Variants in SULF2 observed in about 807,000 individuals in gnomAD.
The protein encoded by SULF2 is extracellular sulfatase Sulf-2.
A neutral mutation model predicts 107.7 loss-of-function variants in SULF2; 52 were observed. The observed-to-expected ratio is 0.48, with a 90% CI of 0.39 to 0.61. The LOEUF (loss-of-function observed/expected upper bound fraction) is 0.61. SULF2 is among the 20% of genes least tolerant of loss of function. The probability of loss-of-function intolerance (pLI) is 0.00; values close to 1 mark genes in which losing one functional copy is unlikely to be tolerated. For missense variants in SULF2, 993 were observed against 1,177.3 expected (o/e 0.84, Z 2.29); for synonymous variants, 460 against 464.3 (o/e 0.99, Z 0.12).
At chr20:47,697,424 G>A (rs2088417846) in intron 4 of SULF2, among the ~76,000 whole-genome samples, 1 of 152,206 alleles carries the variant, frequency 6.6e-6, no homozygotes, top group Non-Finnish European at 1.5e-5. Context: ...CCCGAGGCCA[G>A]CAGTGACATT....
intron 15 of SULF2, among the ~76,000 whole-genome samples, chr20:47,663,892 C>T (rs2087173315): frequency 6.6e-6 from 1 of 152,202 alleles, no homozygotes; most frequent in Non-Finnish European, 1.5e-5. Context: ...ACCCCTTTCC[C>T]CTCCTTCCTG....
chr20:47,665,326 C>T (rs376438391), intron 13 of SULF2, 33 bp from the exon 14 acceptor site: 32 of 1,378,464 alleles, frequency 2.3e-5, no homozygotes, highest in Middle Eastern at 3.8e-4. Context: ...GGCCTTGAAA[C>T]CTTCAAGGCT....
At chr20:47,676,768 C>G in intron 9 of SULF2, 145 bp from the exon 10 acceptor site, 1 of 976,368 alleles carries the variant, frequency 1.0e-6, no homozygotes, top group Non-Finnish European at 1.5e-6. Flanking sequence ...CCCGGGTCTT[C>G]TGATGTTTAG....
intron 1 of SULF2, among the ~76,000 whole-genome samples, chr20:47,774,420 C>T (rs73317829): frequency 0.03 from 4,622 of 152,226 alleles, 250 homozygotes; most frequent in African/African-American, 0.11. Context: ...CCCTCATTAC[C>T]GCGCATGCTC....
chr20:47,716,294 C>T (rs1469756533), intron 3 of SULF2, among the ~76,000 whole-genome samples: 2 of 152,276 alleles, frequency 1.3e-5, no homozygotes, highest in East Asian at 3.9e-4. Flanking sequence ...CTTATGTGGT[C>T]AGGAGTTCAG....
chr20:47,663,505 G>T lies in SULF2; in HGVS notation c.2175C>A (p.Leu725=). Residue 725 remains leucine (L), a synonymous_variant, in exon 16 of 21, where the codon CTC becomes CTA. Coordinates refer to ENST00000688720, the MANE Select transcript of SULF2 (RefSeq NM_001387048.1). Reference sequence around the variant, plus strand: ...GCTGGTTGTCGTGGGTGAAGCACGTGAGGCCTGGCATGCTGCACGTGTCGT... The same window carrying T: ...GCTGGTTGTCGTGGGTGAAGCACGTTAGGCCTGGCATGCTGCACGTGTCGT... ...QNNDTCSMPG[L]TCFTHDNQHW... The T allele has an allele frequency of 6.2e-7, 1 of 1,612,282 alleles. No homozygotes were observed.
chr20:47,663,364 C>CT, intron 16 of SULF2, 89 bp downstream of exon 16: 1 of 1,583,904 alleles, frequency 6.3e-7, no homozygotes, highest in Non-Finnish European at 8.6e-7. Flanking sequence ...TGGGGACCCC[C>CT]TTTCTGAGAG....
At chr20:47,734,972 T>G (rs1707285882) in intron 3 of SULF2, among the ~76,000 whole-genome samples, 1 of 152,226 alleles carries the variant, frequency 6.6e-6, no homozygotes, top group Admixed American at 6.5e-5. Flanking sequence ...CCTGTAAGAT[T>G]TTGAAACACT....
intron 1 of SULF2, among the ~76,000 whole-genome samples, chr20:47,781,784 GC>G (rs1292263536): frequency 1.3e-5 from 2 of 152,248 alleles, no homozygotes; most frequent in Admixed American, 1.3e-4. Flanking sequence ...TAAGTAGCAT[GC>G]CCCAGATCCC....
intron 3 of SULF2, among the ~76,000 whole-genome samples, chr20:47,718,778 G>T (rs1484697597): frequency 6.6e-6 from 1 of 152,160 alleles, no homozygotes; most frequent in African/African-American, 2.4e-5. Context: ...AGTTGGGGAT[G>T]GGGGTTGATA....
intron 7 of SULF2, among the ~76,000 whole-genome samples, chr20:47,681,478 T>C (rs1254227094): frequency 6.6e-6 from 1 of 152,092 alleles, no homozygotes; most frequent in Non-Finnish European, 1.5e-5. Flanking sequence ...GAGCCCTCAG[T>C]GGGTCAGATT....
chr20:47,729,741 G>C (rs1050059013), intron 3 of SULF2, among the ~76,000 whole-genome samples: 3 of 152,198 alleles, frequency 2.0e-5, no homozygotes, highest in African/African-American at 7.2e-5. Context: ...GAGCTCTGGG[G>C]CGATGGCCAG....
chr20:47,724,055 A>AGGAACAAAGAGGCTAG (rs2089370016), intron 3 of SULF2, among the ~76,000 whole-genome samples: 1 of 152,206 alleles, frequency 6.6e-6, no homozygotes, highest in African/African-American at 2.4e-5. Context: ...AGGCAGCCTG[A>AGGAACAAAGAGGCTAG]GTGCTGTCAC....
intron 1 of SULF2, among the ~76,000 whole-genome samples, chr20:47,759,884 A>G (rs1276839085): frequency 6.6e-6 from 1 of 152,184 alleles, no homozygotes; most frequent in African/African-American, 2.4e-5. Flanking sequence ...GCAATTTCTT[A>G]TTTATTGTCC....
In SULF2 at chr20:47,683,041, G is replaced by A; in HGVS notation, c.1017C>T (p.Ile339=). The change falls in exon 7 of 21, where the codon ATC becomes ATT. Residue 339 remains isoleucine, a synonymous_variant. Transcript: ENST00000688720. Reference sequence around the variant, plus strand: ...GGCCCCTCACGTAGAACGGGACCCTGATGTCAAACTCATATGGCATGGATT... The same window carrying A: ...GGCCCCTCACGTAGAACGGGACCCTAATGTCAAACTCATATGGCATGGATT... ...KGKSMPYEFD[I]RVPFYVRGPN... The A allele has an allele frequency of 6.2e-7, 1 of 1,613,438 alleles. No homozygotes were observed. Among genetic ancestry groups the A allele is most frequent in the Non-Finnish European group, 8.5e-7 (1 of 1,179,772 alleles).
At chr20:47,660,064 G>A (rs2087016477) in intron 18 of SULF2, among the ~76,000 whole-genome samples, 1 of 152,220 alleles carries the variant, frequency 6.6e-6, no homozygotes, top group Non-Finnish European at 1.5e-5. Flanking sequence ...AAAGCCAAGA[G>A]CCCTGACCAA....
rs1224714383 is a variant in SULF2 at position 47,663,206 on chromosome 20, G to A, written c.2234C>T (p.Pro745Leu). ...GTTGGCGCTGGTGCAGGCACAGAAA[G>A]GCCCCACTGCCAAGGAAGAGAGAGC... Reference protein sequence around the residue: ...WQTAPFWTLGPFCACTSANNN... With the variant: ...WQTAPFWTLGLFCACTSANNN... Residue 745 changes from proline to leucine, a missense_variant, in exon 17 of 21, where the codon CCT becomes CTT. Physicochemically the swap from Pro to Leu is moderately conservative, Grantham distance 98. Around this residue, in one of 3 missense-constraint regions of SULF2, gnomAD observed 497 missense variants for 544.1 expected, o/e 0.91. Transcript: ENST00000688720. The A allele has an allele frequency of 6.2e-6, 10 of 1,613,992 alleles. No homozygotes were observed. The African/African-American group carries it at 6.7e-5, about 11-fold the overall frequency.
intron 7 of SULF2, 105 bp downstream of exon 7, chr20:47,682,889 G>A (rs1219810814): frequency 1.9e-5 from 23 of 1,213,954 alleles, no homozygotes; most frequent in Non-Finnish European, 2.5e-5. Flanking sequence ...GTACATCTGC[G>A]AAAACTGTGT....
intron 4 of SULF2, among the ~76,000 whole-genome samples, chr20:47,701,996 C>T (rs1313305770): frequency 6.6e-6 from 1 of 152,156 alleles, no homozygotes; most frequent in Admixed American, 6.5e-5. Flanking sequence ...TATTCTGTCT[C>T]GGCAAAATGT....
Sources: allele counts gnomAD v4.1 joint callset (sites outside exome capture counted in the v4.1 genomes callset), GRCh38; gene constraint gnomAD v4.1.1; regional missense constraint gnomAD v4.1.1; transcripts MANE v1.5; gene names NCBI Gene and HGNC (gene_info 2026-07-23, HGNC 2026-07-21).